Variants in C1orf198 observed in about 807,000 individuals in gnomAD.
The protein encoded by C1orf198 is chromosome 1 open reading frame 198.
A neutral mutation model predicts 31.4 loss-of-function variants in C1orf198; 17 were observed. The observed-to-expected ratio is 0.54, with a 90% CI of 0.37 to 0.81. C1orf198 has a LOEUF of 0.81. C1orf198 is among the 40% of genes least tolerant of loss of function. C1orf198 has a pLI of 0.00. For synonymous variants in C1orf198, 175 were observed against 193.8 expected, an observed-to-expected ratio of 0.90 and a Z score of 0.81; for missense variants, 401 against 450.3, an observed-to-expected ratio of 0.89 and a Z score of 0.99.
At chr1:230,869,338 C>T (rs1338260012), upstream of C1orf198, 1 of 152,242 alleles carries the variant, frequency 6.6e-6, no homozygotes, top group African/African-American at 2.4e-5. Context: ...AGTTTTCAGA[C>T]TCAGAGGCGA....
upstream of C1orf198, chr1:230,868,521 T>TGCCCGCCGCTCCCGGCCC (rs1670180503): frequency 4.6e-6 from 6 of 1,316,748 alleles, no homozygotes; most frequent in East Asian, 1.6e-4. Flanking sequence ...ATGCCCGGCC[T>TGCCCGCCGCTCCCGGCCC]GCCCGCCGCT....
chr1:230,848,290 T>C (rs535485176), intron 2 of C1orf198, among the ~76,000 whole-genome samples: 1 of 152,348 alleles, frequency 6.6e-6, no homozygotes, highest in East Asian at 1.9e-4. Flanking sequence ...CCTATGTATG[T>C]GTATGCTGTT....
In C1orf198 at chr1:230,868,197, C is replaced by T; in HGVS notation, c.316G>A (p.Val106Met). The change falls in exon 1 of 4, where the codon GTG becomes ATG. Residue 106 changes from valine to methionine, a missense_variant. By Grantham distance (21) the Val-to-Met change is conservative. Coordinates refer to ENST00000366663, the MANE Select transcript of C1orf198 (RefSeq NM_032800.3). ...GLRGPTGQKV[V>M]RFGDEDLTWQ... The stretch of plus-strand genomic sequence containing the variant: ...GCACCTACCTCGTCCCCGAAGCGCA[C>T]CACCTTCTGGCCCGTGGGCCCGCGC... 6.6e-7 allele frequency: 1 copy of T among 1,519,920 alleles called. No homozygotes were observed. Among genetic ancestry groups the T allele is most frequent in the Non-Finnish European group, 8.8e-7 (1 of 1,137,086 alleles). The allele number at this position is 1,519,920 out of a possible 1,614,324, so 94.2% of individuals were successfully genotyped here.
At chr1:230,846,579 T>C (rs1669593762) in intron 2 of C1orf198, among the ~76,000 whole-genome samples, 1 of 152,248 alleles carries the variant, frequency 6.6e-6, no homozygotes, top group South Asian at 2.1e-4. Flanking sequence ...ATGTCTTCCC[T>C]CCAGCCTTGG....
intron 2 of C1orf198, among the ~76,000 whole-genome samples, chr1:230,847,383 T>C (rs1669623741): frequency 6.6e-6 from 1 of 152,202 alleles, no homozygotes; most frequent in South Asian, 2.1e-4. Context: ...GACTGTTGTT[T>C]CTAAATTATT....
intron 2 of C1orf198, among the ~76,000 whole-genome samples, chr1:230,853,243 T>C (rs922897555): frequency 1.3e-5 from 2 of 152,110 alleles, no homozygotes; most frequent in African/African-American, 4.8e-5. Flanking sequence ...TATGCATCTA[T>C]AGAGAACTGA....
intron 2 of C1orf198, among the ~76,000 whole-genome samples, chr1:230,846,562 C>CG (rs1380094857): frequency 6.6e-6 from 1 of 152,230 alleles, no homozygotes; most frequent in East Asian, 1.9e-4. Context: ...CAGCTTCCGA[C>CG]GGCTAGATGT....
chr1:230,861,544 C>T (rs1325096165), intron 1 of C1orf198, among the ~76,000 whole-genome samples: 3 of 152,214 alleles, frequency 2.0e-5, no homozygotes, highest in Non-Finnish European at 4.4e-5. Flanking sequence ...CCGTGAGTCA[C>T]GCCAACAGCG....
rs548094178 is a variant in C1orf198 at position 230,849,963 on chromosome 1, C to T, written c.384+5705G>A. On this transcript the variant is annotated intron_variant, in intron 2 of 3. Transcript: ENST00000366663. ...GGGGCCCAAAGAGACGGGGCGTGAACGTAAGCAAACAAACATCCACCCCGT... is the reference window on the plus strand; with the variant it reads ...GGGGCCCAAAGAGACGGGGCGTGAATGTAAGCAAACAAACATCCACCCCGT... Among the ~76,000 whole-genome samples, 15 of 152,248 alleles carry T rather than the reference C, an allele frequency of 9.9e-5. No individual in the cohort carries two copies. The East Asian group carries it at 1.5e-3, about 16-fold the overall frequency.
chr1:230,858,528 C>T (rs1289895156), intron 1 of C1orf198, among the ~76,000 whole-genome samples: 1 of 152,204 alleles, frequency 6.6e-6, no homozygotes, highest in Non-Finnish European at 1.5e-5. Flanking sequence ...CGGCCATCCA[C>T]AGGGTAGAGT....
At position 230,854,826 on chromosome 1, in the gene C1orf198, T is replaced by C. The variant is rs536362727; in HGVS notation, c.384+842A>G. Reference sequence around the variant, plus strand: ...AGGTCTCCTGCTGGGATGAGGGCTCTGATCAGCAATGATGTGGACAAGTGA... The same window carrying C: ...AGGTCTCCTGCTGGGATGAGGGCTCCGATCAGCAATGATGTGGACAAGTGA... On this transcript the variant is annotated intron_variant, in intron 2 of 3. Coordinates refer to ENST00000366663, the MANE Select transcript of C1orf198 (RefSeq NM_032800.3). Among the ~76,000 whole-genome samples, 4 of 152,266 alleles carry C rather than the reference T, an allele frequency of 2.6e-5. No homozygotes were observed. The South Asian group carries it at 8.3e-4, about 32-fold the overall frequency.
intron 1 of C1orf198, among the ~76,000 whole-genome samples, chr1:230,865,235 G>C (rs557570972): frequency 6.6e-6 from 1 of 152,264 alleles, no homozygotes; most frequent in South Asian, 2.1e-4. Flanking sequence ...GCCAGGACAA[G>C]AATCCAGGAC....
In C1orf198 at chr1:230,840,131, C is replaced by T. The variant is rs2102969547; in HGVS notation, c.928-223G>A. 6.6e-6 allele frequency among the ~76,000 whole-genome samples: 1 copy of T among 152,268 alleles called. No homozygotes were observed. Among genetic ancestry groups the T allele is most frequent in the South Asian group, 2.1e-4 (1 of 4,822 alleles). On this transcript the variant is annotated intron_variant, in intron 3 of 3. Coordinates refer to ENST00000366663, the MANE Select transcript of C1orf198 (RefSeq NM_032800.3). The surrounding 1 kb of genome is among the most constrained non-coding windows in gnomAD (Gnocchi z 4.0). ...ATCCAACACTAACCCCTCTTCAACCCCAGGCATGTCTGTGAGCAGCTTACA... is the reference window on the plus strand; with the variant it reads ...ATCCAACACTAACCCCTCTTCAACCTCAGGCATGTCTGTGAGCAGCTTACA...
chr1:230,868,491 T>A lies in C1orf198; in HGVS notation c.22A>T (p.Ile8Phe). 6.8e-7 allele frequency: 1 copy of A among 1,480,170 alleles called. No homozygotes were observed. The highest frequency in any genetic ancestry group is 1.3e-5 in the South Asian group (1 of 77,206). The allele number at this position is 1,480,170 out of a possible 1,614,324, so 91.7% of individuals were successfully genotyped here. MASMAAA[I>F]AASRSAVMSG... ...ATGACCGCCGAGCGCGAAGCCGCGA[T>A]CGCCGCCGCCATGGACGCCATGCCC... Residue 8 changes from isoleucine to phenylalanine, a missense_variant, in exon 1 of 4, where the codon ATC (isoleucine) becomes TTC (phenylalanine). Ile to Phe is a conservative substitution (Grantham distance 21). Transcript: ENST00000366663.
intron 2 of C1orf198, among the ~76,000 whole-genome samples, chr1:230,845,246 A>G (rs1669556944): frequency 6.7e-6 from 1 of 149,600 alleles, no homozygotes; most frequent in Non-Finnish European, 1.5e-5. Context: ...GCCAGGCATG[A>G]TGACACACGC....
chr1:230,845,438 T>C (rs560707700), intron 2 of C1orf198, among the ~76,000 whole-genome samples: 106 of 151,750 alleles, frequency 7.0e-4, no homozygotes, highest in African/African-American at 2.5e-3. Context: ...AATCCCAGCA[T>C]TTTGGGAGGC....
At position 230,843,774 on chromosome 1, in the gene C1orf198, T is replaced by C; in HGVS notation, c.507A>G (p.Gln169=). 1 of 1,612,206 alleles carries C rather than the reference T, an allele frequency of 6.2e-7. No homozygotes were observed. The highest frequency in any genetic ancestry group is 8.5e-7 in the Non-Finnish European group (1 of 1,178,774). The change falls in exon 3 of 4, where the codon CAA becomes CAG. Residue 169 remains glutamine (Q), a synonymous_variant. Transcript: ENST00000366663. This position sits in a 1 kb window ranked among gnomAD's most constrained non-coding sequence, Gnocchi z 4.9. ...CGTCCAGGCTGGAGGACCTGCTGCC[T>C]TGGGAGGACTTGAGGGCCTGGGAGC... ...SQGSQALKSS[Q]GSRSSSLDAL...
chr1:230,849,496 C>T (rs562966237), intron 2 of C1orf198, among the ~76,000 whole-genome samples: 3 of 152,132 alleles, frequency 2.0e-5, no homozygotes, highest in South Asian at 4.1e-4. Context: ...CAAGTGCCCA[C>T]GGAGGCTCTG....
intron 2 of C1orf198, among the ~76,000 whole-genome samples, chr1:230,848,903 G>A (rs1237038578): frequency 6.6e-6 from 1 of 152,172 alleles, no homozygotes; most frequent in African/African-American, 2.4e-5. Context: ...GGGCCCAGGG[G>A]AGATCAAGCC....
Sources: allele counts gnomAD v4.1 joint callset (sites outside exome capture counted in the v4.1 genomes callset), GRCh38; gene constraint gnomAD v4.1.1; non-coding constraint Gnocchi (gnomAD v3.1); transcripts MANE v1.5; gene names NCBI Gene and HGNC (gene_info 2026-07-23, HGNC 2026-07-21).